The following HERPUD2 variants were observed in gnomAD, a reference collection of about 807,000 sequenced individuals.
HERPUD2 encodes homocysteine-responsive endoplasmic reticulum-resident ubiquitin-like domain member 2 protein.
A neutral mutation model predicts 49.9 loss-of-function variants in HERPUD2; 13 were observed. That is an observed-to-expected ratio of 0.26 (90% CI 0.17 to 0.41). The LOEUF (loss-of-function observed/expected upper bound fraction) is 0.41. Among genes scored for constraint, HERPUD2 ranks in the 10% least tolerant of loss-of-function variants. The probability of loss-of-function intolerance (pLI) is 1.00; values close to 1 mark genes in which losing one functional copy is unlikely to be tolerated. For synonymous variants in HERPUD2, 172 were observed against 171.4 expected (o/e 1.00, Z -0.03); for missense variants, 449 against 492.2 (o/e 0.91, Z 0.83).
chr7:35,641,311 A>G (rs1349187250), intron 5 of HERPUD2, among the ~76,000 whole-genome samples: 1 of 152,200 alleles, frequency 6.6e-6, no homozygotes, highest in Non-Finnish European at 1.5e-5. Flanking sequence ...TACAAAATTA[A>G]AGACCTTTAA....
Position 35,682,318 on chromosome 7 carries a change from CAT to C in HERPUD2, c.148-9042_148-9041del, listed in dbSNP as rs1245055633. On this transcript the variant is annotated intron_variant, in intron 2 of 8. Coordinates refer to ENST00000311350, the MANE Select transcript of HERPUD2 (RefSeq NM_022373.5). ...GTGTGTGTATATATAGATATATACA[CAT>C]ACACACGTGTGTGTGTGTGTGTGTG... Among the ~76,000 whole-genome samples the C allele has an allele frequency of 2.6e-3, 109 of 41,786 alleles. 11 individuals are homozygous for C. The highest frequency in any genetic ancestry group is 5.9e-3 in the African/African-American group (54 of 9,094). 27.4% of individuals were successfully genotyped at this position (41,786 alleles called of 152,430 possible). A position where few individuals can be genotyped will look rare whatever the true frequency, so the allele number is the denominator to read the frequency against.
At chr7:35,644,357 C>T (rs1285844125) in intron 5 of HERPUD2, among the ~76,000 whole-genome samples, 1 of 151,760 alleles carries the variant, frequency 6.6e-6, no homozygotes, top group Non-Finnish European at 1.5e-5. Context: ...CTAAATGACA[C>T]CATGAGAACT....
At chr7:35,663,913 T>C (rs1288501058) in intron 5 of HERPUD2, among the ~76,000 whole-genome samples, 3 of 152,194 alleles carry the variant, frequency 2.0e-5, no homozygotes, top group Non-Finnish European at 4.4e-5. Flanking sequence ...AATATTATTA[T>C]GTGTGAATTT....
chr7:35,690,563 A>G (rs1786157989), intron 2 of HERPUD2, among the ~76,000 whole-genome samples: 1 of 152,228 alleles, frequency 6.6e-6, no homozygotes, highest in Non-Finnish European at 1.5e-5. Context: ...TAATCCCAAC[A>G]CTTCGGGAGG....
chr7:35,657,629 C>T (rs1437974782), intron 5 of HERPUD2, among the ~76,000 whole-genome samples: 4 of 142,528 alleles, frequency 2.8e-5, no homozygotes, highest in Non-Finnish European at 4.5e-5. Context: ...AAAAAAAGGC[C>T]GGGCGCGGTG....
In HERPUD2 at chr7:35,671,398, T is replaced by G. The variant is rs192343086; in HGVS notation, c.226-1070A>C. 2.6e-5 allele frequency among the ~76,000 whole-genome samples: 4 copies of G among 152,018 alleles called. No homozygotes were observed. In the East Asian group the frequency reaches 7.7e-4, roughly 29 times the overall value. On this transcript the variant is annotated intron_variant, in intron 3 of 8. Transcript: ENST00000311350. ...AGGGTTAGAATGCTAAAGAAAGGCT[T>G]CAGAGACAGCATGACAGAAGGTACG...
intron 2 of HERPUD2, among the ~76,000 whole-genome samples, chr7:35,673,948 T>A (rs1414102204): frequency 6.6e-6 from 1 of 152,120 alleles, no homozygotes; most frequent in Non-Finnish European, 1.5e-5. Context: ...GCAACCAGAA[T>A]ATGAAATTAC....
At chr7:35,647,367 A>AT (rs1785075116) in intron 5 of HERPUD2, among the ~76,000 whole-genome samples, 1 of 152,130 alleles carries the variant, frequency 6.6e-6, no homozygotes, top group South Asian at 2.1e-4. Context: ...TTTCGAGGCC[A>AT]TGACAGCCCA....
chr7:35,670,473 T>A (rs1785621526), intron 3 of HERPUD2, 145 bp from the exon 4 acceptor site: 3 of 399,718 alleles, frequency 7.5e-6, no homozygotes, highest in Non-Finnish European at 1.3e-5. Flanking sequence ...CATTTGAAGG[T>A]AAATTTGTCA....
chr7:35,664,169 A>G (rs1785489543), intron 5 of HERPUD2, among the ~76,000 whole-genome samples: 2 of 152,184 alleles, frequency 1.3e-5, no homozygotes, highest in Admixed American at 1.3e-4. Flanking sequence ...GTTTGGCTGA[A>G]TATGAAATTC....
chr7:35,634,553 A>C, intron 7 of HERPUD2, 124 bp from the exon 8 acceptor site: 2 of 604,700 alleles, frequency 3.3e-6, no homozygotes, highest in Non-Finnish European at 5.7e-6. Flanking sequence ...AAAAGACCAA[A>C]TCTCCCACTT....
At chr7:35,638,587 G>A (rs1784912139) in intron 5 of HERPUD2, 115 bp from the exon 6 acceptor site, 7 of 1,050,038 alleles carry the variant, frequency 6.7e-6, no homozygotes, top group South Asian at 2.0e-5. Context: ...AAATCTCACT[G>A]AAAAGAAAAA....
At position 35,682,280 on chromosome 7, in the gene HERPUD2, CAT is replaced by C. The variant is rs1170973737; in HGVS notation, c.148-9004_148-9003del. Among the ~76,000 whole-genome samples, 40 of 34,180 alleles carry C rather than the reference CAT, an allele frequency of 1.2e-3. 1 individual carries two copies. Among genetic ancestry groups the C allele is most frequent in the African/African-American group, 3.4e-3 (32 of 9,306 alleles). The allele number at this position is 34,180 out of a possible 152,430, so 22.4% of individuals were successfully genotyped here. A position where few individuals can be genotyped will look rare whatever the true frequency, so the allele number is the denominator to read the frequency against. ...GTGTGTGTATATATAGATATATACA[CAT>C]ACACACGTGTGTGTGTGTATATATA... On this transcript the variant is annotated intron_variant, in intron 2 of 8. Transcript: ENST00000311350.
In HERPUD2 at chr7:35,634,350, C is replaced by G. The variant is rs1349915658; in HGVS notation, c.1021G>C (p.Asp341His). ...TCCAAGTTGTTTGCATTTTGCCCAT[C>G]ATTGTTAACTTCGGCATTATTGTTG... Reference protein sequence around the residue: ...APNNNAEVNNDGQNANNLELE... With the variant: ...APNNNAEVNNHGQNANNLELE... Residue 341 changes from aspartate (D) to histidine (H), a missense_variant, in exon 8 of 9, where the codon GAT (aspartate) becomes CAT (histidine). Transcript: ENST00000311350. 2.5e-6 allele frequency: 4 copies of G among 1,613,768 alleles called. No individual in the cohort carries two copies. Among genetic ancestry groups the G allele is most frequent in the Admixed American group, 1.7e-5 (1 of 60,022 alleles).
chr7:35,665,075 T>C (rs1484713097), intron 5 of HERPUD2, among the ~76,000 whole-genome samples: 1 of 152,172 alleles, frequency 6.6e-6, no homozygotes, highest in Non-Finnish European at 1.5e-5. Context: ...AGGGACCCAC[T>C]TGAGGAGGCA....
In HERPUD2 at chr7:35,633,190, C is replaced by A. The variant is rs1583531861; in HGVS notation, c.*500G>T. 2 of 152,132 alleles carry A rather than the reference C, an allele frequency of 1.3e-5. No individual in the cohort carries two copies. The highest frequency in any genetic ancestry group is 6.5e-5 in the Admixed American group (1 of 15,274). 9.4% of individuals were successfully genotyped at this position (152,132 alleles called of 1,614,324 possible). On this transcript the variant is annotated 3_prime_UTR_variant, in exon 9 of 9. Transcript: ENST00000311350. ...CAGGCAATTCTCCTGCCTGAGCCCC[C>A]CAAGTAGCTGGGATTACAGGCGCGT...
In HERPUD2 at chr7:35,677,721, T is replaced by C. The variant is rs138647367; in HGVS notation, c.148-4443A>G. 4.1e-3 allele frequency among the ~76,000 whole-genome samples: 622 copies of C among 152,318 alleles called. 3 individuals are homozygous for C. The highest frequency in any genetic ancestry group is 4.2e-3 in the Non-Finnish European group (285 of 68,020). ...TCAAGAGAGAAATAATGTGTTTATA[T>C]GCCAACAGAAGTAATTCAGTAGAAA... On this transcript the variant is annotated intron_variant, in intron 2 of 8. Transcript: ENST00000311350.
At chr7:35,646,843 G>C (rs1384210476) in intron 5 of HERPUD2, among the ~76,000 whole-genome samples, 4 of 152,110 alleles carry the variant, frequency 2.6e-5, no homozygotes, top group African/African-American at 9.7e-5. Context: ...GCTGGTGGCA[G>C]AAGTTCTGAC....
intron 5 of HERPUD2, among the ~76,000 whole-genome samples, chr7:35,667,153 CCAT>C (rs1219602383): frequency 6.6e-6 from 1 of 152,078 alleles, no homozygotes; most frequent in African/African-American, 2.4e-5. Context: ...TTCTCAGGCC[CCAT>C]CATACCTATT....
Sources: gnomAD v4.1 joint callset for allele counts (sites outside exome capture counted in the v4.1 genomes callset) on GRCh38, gnomAD v4.1.1 for gene constraint, MANE v1.5 for transcripts, NCBI Gene and HGNC (gene_info 2026-07-23, HGNC 2026-07-21) for gene names.